The following MITF variants were observed in gnomAD, a reference collection of about 807,000 sequenced individuals.
MITF encodes melanocyte inducing transcription factor, also known as microphthalmia-associated transcription factor.
MITF carries 17 observed loss-of-function variants against 60.5 expected under a neutral mutation model. The ratio of observed to expected loss-of-function variants is 0.28; its 90% CI spans 0.19 to 0.42. MITF has a LOEUF of 0.42. Ranked by LOEUF, MITF falls within the 10% of genes least tolerant of loss-of-function variation. The probability of loss-of-function intolerance (pLI) is 1.00; values close to 1 mark genes in which losing one functional copy is unlikely to be tolerated. For synonymous variants in MITF, 260 were observed against 248.5 expected, an observed-to-expected ratio of 1.05 and a Z score of -0.43; for missense variants, 622 against 683.5, an observed-to-expected ratio of 0.91 and a Z score of 1.00.
chr3:69,922,484 T>C (rs1346789287), intron 2 of MITF, among the ~76,000 whole-genome samples: 1 of 152,186 alleles, frequency 6.6e-6, no homozygotes, highest in Non-Finnish European at 1.5e-5. Flanking sequence ...CCTCCCAAAG[T>C]GCTGGGATTA....
At chr3:69,862,133 T>G (rs2064027544) in intron 1 of MITF, among the ~76,000 whole-genome samples, 1 of 152,114 alleles carries the variant, frequency 6.6e-6, no homozygotes, top group South Asian at 2.1e-4. Context: ...AGAATCATTT[T>G]TTAGAAACAC....
intron 2 of MITF, among the ~76,000 whole-genome samples, chr3:69,887,356 G>A (rs1052314182): frequency 1.3e-5 from 2 of 152,024 alleles, no homozygotes; most frequent in African/African-American, 4.8e-5. Context: ...AAATCGGTGG[G>A]TGTGATCTGT....
At chr3:69,794,525 T>G (rs1332297247) in intron 1 of MITF, among the ~76,000 whole-genome samples, 1 of 152,170 alleles carries the variant, frequency 6.6e-6, no homozygotes, top group African/African-American at 2.4e-5. Context: ...GGTAAGATGC[T>G]GGAGAACCAA....
chr3:69,898,831 A>G (rs954856961), intron 2 of MITF, among the ~76,000 whole-genome samples: 3 of 152,172 alleles, frequency 2.0e-5, no homozygotes, highest in African/African-American at 7.2e-5. Flanking sequence ...TGTTGAATGA[A>G]TGGGAAGAGG....
intron 2 of MITF, among the ~76,000 whole-genome samples, chr3:69,912,961 G>C (rs781210466): frequency 4.6e-5 from 7 of 152,134 alleles, no homozygotes; most frequent in Non-Finnish European, 7.3e-5. Flanking sequence ...ATCTGGGAAT[G>C]ATTTAAAATT....
intron 1 of MITF, chr3:69,778,993 T>C (rs2062520350): frequency 6.6e-6 from 1 of 152,226 alleles, no homozygotes; most frequent in Non-Finnish European, 1.5e-5. Context: ...AATATAATTA[T>C]TCTGTGTTTA....
At position 69,763,772 on chromosome 3, in the gene MITF, C is replaced by G. The variant is rs2062246136; in HGVS notation, c.104+24071C>G. On this transcript the variant is annotated intron_variant, in intron 1 of 9. Coordinates refer to ENST00000352241, the MANE Select transcript of MITF (RefSeq NM_001354604.2). ...ATTGTCCTCTCCTTTTGCTTCTGAC[C>G]TAAGTAAAAGCTAATGGTTGGCATT... 7 of 1,363,198 alleles carry G rather than the reference C, an allele frequency of 5.1e-6. No individual in the cohort carries two copies. In the Admixed American group the frequency reaches 1.2e-4, roughly 23 times the overall value. 84.4% of individuals were successfully genotyped at this position (1,363,198 alleles called of 1,614,324 possible). A position where few individuals can be genotyped will look rare whatever the true frequency, so the allele number is the denominator to read the frequency against.
intron 2 of MITF, among the ~76,000 whole-genome samples, chr3:69,896,739 C>A (rs1347546289): frequency 6.6e-6 from 1 of 152,174 alleles, no homozygotes; most frequent in East Asian, 1.9e-4. Flanking sequence ...AACCTCAGAG[C>A]TGTAATTAAA....
rs1289926322 is a variant in MITF, at chr3:69,879,341, C to T, written c.312C>T (p.Thr104=). Residue 104 remains threonine, a synonymous_variant, in exon 2 of 10, where the codon ACC becomes ACT. Coordinates refer to ENST00000352241, the MANE Select transcript of MITF (RefSeq NM_001354604.2). ...CAGCCATAAACGTCAGTGTGCCCAC[C>T]ACCCTTCCCTCTGCCACGCAGGTGC... ...QTPAINVSVP[T]TLPSATQVPM... 1 of 1,614,242 alleles carries T rather than the reference C, an allele frequency of 6.2e-7. No individual in the cohort carries two copies. The highest frequency in any genetic ancestry group is 1.1e-5 in the South Asian group (1 of 91,086).
chr3:69,960,458 C>T (rs2066512336), intron 9 of MITF, among the ~76,000 whole-genome samples: 1 of 152,118 alleles, frequency 6.6e-6, no homozygotes, highest in Admixed American at 6.6e-5. Flanking sequence ...CTCTCAGGGG[C>T]TTGGCGTCTC....
Position 69,876,082 on chromosome 3 carries a change from A to T in MITF, c.105-3052A>T, listed in dbSNP as rs150126385. 2.5e-3 allele frequency among the ~76,000 whole-genome samples: 376 copies of T among 152,096 alleles called. 1 individual carries two copies. The highest frequency in any genetic ancestry group is 5.5e-3 in the Admixed American group (84 of 15,284). ...ATACATACGTATTTTTTTTTCAGAC[A>T]GGATATTTCAGAAAATGCTTTGAAT... On this transcript the variant is annotated intron_variant, in intron 1 of 9. Transcript: ENST00000352241.
At chr3:69,886,335 G>A (rs1337221670) in intron 2 of MITF, among the ~76,000 whole-genome samples, 1 of 152,088 alleles carries the variant, frequency 6.6e-6, no homozygotes, top group African/African-American at 2.4e-5. Flanking sequence ...TTATAGGGTG[G>A]ATTGGATGGT....
At chr3:69,959,529 G>A (rs1247176128) in intron 9 of MITF, 109 bp downstream of exon 9, 1 of 1,329,676 alleles carries the variant, frequency 7.5e-7, no homozygotes, top group Non-Finnish European at 1.1e-6. Flanking sequence ...TCCTAACACA[G>A]TCAATCCTTA....
chr3:69,922,257 C>G, intron 2 of MITF, among the ~76,000 whole-genome samples: 1 of 152,134 alleles, frequency 6.6e-6, no homozygotes, highest in East Asian at 1.9e-4. Context: ...GAGTCTCACT[C>G]TGTCGCCAGG....
chr3:69,838,319 G>A, intron 1 of MITF, among the ~76,000 whole-genome samples: 1 of 151,018 alleles, frequency 6.6e-6, no homozygotes, highest in Non-Finnish European at 1.5e-5. Flanking sequence ...CCAGGTGGCA[G>A]GGAATTTACG....
chr3:69,910,461 A>G (rs2065200147), intron 2 of MITF, among the ~76,000 whole-genome samples: 1 of 152,170 alleles, frequency 6.6e-6, no homozygotes, highest in Non-Finnish European at 1.5e-5. Context: ...TCCATACCCC[A>G]GAATGGTAGA....
At chr3:69,950,386 GA>G (rs75960367) in intron 6 of MITF, among the ~76,000 whole-genome samples, 1,988 of 141,778 alleles carry the variant, frequency 0.014, 19 homozygotes, top group Middle Eastern at 0.053. Flanking sequence ...TCTGTGTGAG[GA>G]AAAAAAAACT....
At chr3:69,746,129 G>A (rs1001518825) in intron 1 of MITF, among the ~76,000 whole-genome samples, 1 of 152,170 alleles carries the variant, frequency 6.6e-6, no homozygotes, top group Non-Finnish European at 1.5e-5. Flanking sequence ...ATTAAAGTGG[G>A]ATTCTCAGTC....
chr3:69,953,744 TG>T, intron 7 of MITF, among the ~76,000 whole-genome samples: 1 of 151,640 alleles, frequency 6.6e-6, no homozygotes, highest in South Asian at 2.1e-4. Context: ...CCCTGTTTTG[TG>T]TGAGGCACTT....
Sources: allele counts gnomAD v4.1 joint callset (sites outside exome capture counted in the v4.1 genomes callset), GRCh38; gene constraint gnomAD v4.1.1; transcripts MANE v1.5; gene names NCBI Gene and HGNC (gene_info 2026-07-23, HGNC 2026-07-21).